Variants in ROR1 observed in about 807,000 individuals in gnomAD.
ROR1 encodes the protein ROR family WNT receptor 1, also known as inactive tyrosine-protein kinase transmembrane receptor ROR1.
In ROR1, 19 loss-of-function variants were observed where a neutral mutation model predicts 78.8. The observed-to-expected ratio is 0.24, with a 90% confidence interval of 0.17 to 0.35. ROR1 has a LOEUF of 0.35. Among genes scored for constraint, ROR1 ranks in the 10% least tolerant of loss-of-function variants. The probability of loss-of-function intolerance (pLI) is 1.00; values close to 1 mark genes in which losing one functional copy is unlikely to be tolerated. For synonymous variants in ROR1, 386 were observed against 433.6 expected (o/e 0.89, Z 1.36); for missense variants, 917 against 1,177.8 (o/e 0.78, Z 3.24).
rs1241586067 is a variant in ROR1, at chr1:64,051,467, TAA to T, written c.482+754_482+755del. On this transcript the variant is annotated intron_variant, in intron 4 of 8. Transcript: ENST00000371079. ...TCCGTCTCAAAAATAAAAAATAAAA[TAA>T]AATAAAATAAAATAAAATAAAATAA... Among the ~76,000 whole-genome samples, 26 of 24,716 alleles carry T rather than the reference TAA, an allele frequency of 1.1e-3. 1 individual carries two copies. Among genetic ancestry groups the T allele is most frequent in the East Asian group, 8.1e-3 (1 of 124 alleles). The allele number at this position is 24,716 out of a possible 152,430, so 16.2% of individuals were successfully genotyped here. A position where few individuals can be genotyped will look rare whatever the true frequency, so the allele number is the denominator to read the frequency against.
intron 1 of ROR1, among the ~76,000 whole-genome samples, chr1:63,870,812 G>T (rs1645246431): frequency 2.0e-5 from 3 of 152,172 alleles, no homozygotes; most frequent in African/African-American, 4.8e-5. Flanking sequence ...CAGTGCATAT[G>T]AAATTCTCCA....
chr1:64,077,818 G>A (rs1205611370), intron 4 of ROR1, among the ~76,000 whole-genome samples: 2 of 152,344 alleles, frequency 1.3e-5, no homozygotes, highest in South Asian at 2.1e-4. Flanking sequence ...AGCCATCAGC[G>A]TAGAACCAGC....
chr1:64,125,534 G>T (rs764749710), intron 4 of ROR1, among the ~76,000 whole-genome samples: 2 of 152,124 alleles, frequency 1.3e-5, no homozygotes, highest in African/African-American at 2.4e-5. Context: ...AGTCAGATAC[G>T]ATTCCGTACT....
intron 8 of ROR1, among the ~76,000 whole-genome samples, chr1:64,172,118 C>G (rs1650259547): frequency 6.6e-6 from 1 of 152,124 alleles, no homozygotes; most frequent in Non-Finnish European, 1.5e-5. Context: ...GCTTTCATAT[C>G]TAAAGTTAAG....
At chr1:63,958,705 T>C (rs1646003656) in intron 1 of ROR1, among the ~76,000 whole-genome samples, 1 of 152,198 alleles carries the variant, frequency 6.6e-6, no homozygotes, top group Admixed American at 6.5e-5. Flanking sequence ...TACACCTATG[T>C]CCGTAGTATG....
intron 1 of ROR1, among the ~76,000 whole-genome samples, chr1:63,951,176 A>G (rs1645931919): frequency 6.6e-6 from 1 of 152,122 alleles, no homozygotes; most frequent in South Asian, 2.1e-4. Flanking sequence ...GGTCACAGAG[A>G]AGGGAGGTAA....
intron 4 of ROR1, chr1:64,095,278 A>G (rs1038934327): frequency 6.6e-6 from 1 of 152,238 alleles, no homozygotes; most frequent in Non-Finnish European, 1.5e-5. Context: ...AAATAGAACA[A>G]AATGCTTTAT....
chr1:63,815,831 A>G (rs1459307986), intron 1 of ROR1, among the ~76,000 whole-genome samples: 1 of 151,872 alleles, frequency 6.6e-6, no homozygotes, highest in East Asian at 1.9e-4. Context: ...CCCAGGACCT[A>G]CTGACACAGT....
At chr1:64,001,791 A>T (rs560184771) in intron 1 of ROR1, among the ~76,000 whole-genome samples, 1 of 152,284 alleles carries the variant, frequency 6.6e-6, no homozygotes, top group African/African-American at 2.4e-5. Flanking sequence ...ATCTTGGATT[A>T]TTAAATGAAC....
At chr1:63,973,434 T>C (rs996791855) in intron 1 of ROR1, among the ~76,000 whole-genome samples, 2 of 152,084 alleles carry the variant, frequency 1.3e-5, no homozygotes, top group Non-Finnish European at 2.9e-5. Flanking sequence ...CCAGTCCCAG[T>C]GGGAAGATAG....
intron 1 of ROR1, among the ~76,000 whole-genome samples, chr1:63,785,500 T>A (rs1644678588): frequency 1.5e-5 from 1 of 68,068 alleles, no homozygotes; most frequent in Non-Finnish European, 2.5e-5. Flanking sequence ...ATATATATTT[T>A]ATTTATTTAT....
chr1:64,116,370 AAGG>A (rs1415291493), intron 4 of ROR1, among the ~76,000 whole-genome samples: 1 of 152,228 alleles, frequency 6.6e-6, no homozygotes, highest in African/African-American at 2.4e-5. Context: ...GTTAGATATA[AAGG>A]AGGTTTCCAA....
At chr1:64,057,004 T>G (rs974630579) in intron 4 of ROR1, among the ~76,000 whole-genome samples, 1 of 152,236 alleles carries the variant, frequency 6.6e-6, no homozygotes, top group Non-Finnish European at 1.5e-5. Flanking sequence ...ACAAAAGTTT[T>G]TCATTTTGAT....
At chr1:64,168,774 A>G (rs1367769360) in intron 8 of ROR1, among the ~76,000 whole-genome samples, 1 of 152,198 alleles carries the variant, frequency 6.6e-6, no homozygotes, top group African/African-American at 2.4e-5. Flanking sequence ...TCTCAGTTGG[A>G]TAAGTTTAAA....
At chr1:63,885,308 C>T (rs979646671) in intron 1 of ROR1, among the ~76,000 whole-genome samples, 4 of 152,104 alleles carry the variant, frequency 2.6e-5, no homozygotes, top group East Asian at 3.9e-4. Context: ...TGGGAATGGA[C>T]GGGTACAGTC....
At chr1:64,108,652 A>G (rs371715785) in intron 4 of ROR1, among the ~76,000 whole-genome samples, 2 of 152,234 alleles carry the variant, frequency 1.3e-5, no homozygotes, top group South Asian at 2.1e-4. Flanking sequence ...CACCCATCAC[A>G]TAACACACAC....
At chr1:64,062,553 T>C (rs1221272116) in intron 4 of ROR1, among the ~76,000 whole-genome samples, 2 of 152,142 alleles carry the variant, frequency 1.3e-5, no homozygotes, top group Non-Finnish European at 2.9e-5. Context: ...CCTCGTAATC[T>C]GCCCACCTCG....
intron 4 of ROR1, among the ~76,000 whole-genome samples, chr1:64,094,184 C>A (rs1647236880): frequency 6.6e-6 from 1 of 152,256 alleles, no homozygotes; most frequent in African/African-American, 2.4e-5. Flanking sequence ...TAGACTGTCC[C>A]TCTCCAAAGT....
At chr1:63,998,540 C>T (rs962314880) in intron 1 of ROR1, among the ~76,000 whole-genome samples, 1 of 152,130 alleles carries the variant, frequency 6.6e-6, no homozygotes, top group African/African-American at 2.4e-5. Context: ...TCTCTAAACA[C>T]ACAGGTTGGA....
Sources: allele counts gnomAD v4.1 joint callset (sites outside exome capture counted in the v4.1 genomes callset), GRCh38; gene constraint gnomAD v4.1.1; transcripts MANE v1.5; gene names NCBI Gene and HGNC (gene_info 2026-07-23, HGNC 2026-07-21).